The following HTR4 variants were observed in gnomAD, a reference collection of about 807,000 sequenced individuals.
HTR4 encodes 5-hydroxytryptamine receptor 4.
A neutral mutation model predicts 36.8 loss-of-function variants in HTR4; 16 were observed. That is an observed-to-expected ratio of 0.43 (90% CI 0.29 to 0.66). The LOEUF (loss-of-function observed/expected upper bound fraction) is 0.66, where lower values mean the gene tolerates loss of function less well. HTR4 is among the 30% of genes least tolerant of loss of function. HTR4 has a pLI of 0.13. For synonymous variants in HTR4, 189 were observed against 185.1 expected, an observed-to-expected ratio of 1.02 and a Z score of -0.17; for missense variants, 438 against 490.9, an observed-to-expected ratio of 0.89 and a Z score of 1.02.
At chr5:148,535,980 TAG>T (rs1369855969) in intron 4 of HTR4, among the ~76,000 whole-genome samples, 3 of 150,636 alleles carry the variant, frequency 2.0e-5, no homozygotes, top group Admixed American at 6.6e-5. Flanking sequence ...TAAACACAGC[TAG>T]AGAGAGAGAG....
Position 148,481,643 on chromosome 5 carries a change from C to A in HTR4, c.*1560G>T. The A allele has an allele frequency of 1.3e-6, 2 of 1,491,266 alleles. No individual in the cohort carries two copies. Among genetic ancestry groups the A allele is most frequent in the Non-Finnish European group, 1.8e-6 (2 of 1,132,782 alleles). 92.4% of individuals were successfully genotyped at this position (1,491,266 alleles called of 1,614,324 possible). On this transcript the variant is annotated 3_prime_UTR_variant, in exon 7 of 7. Coordinates refer to ENST00000377888, the MANE Select transcript of HTR4 (RefSeq NM_000870.7). ...TCAGTTCCAGAACTAAAGTAAACAACAATGGAAACAATAACTGACACCTTA... is the reference window on the plus strand; with the variant it reads ...TCAGTTCCAGAACTAAAGTAAACAAAAATGGAAACAATAACTGACACCTTA...
intron 1 of HTR4, among the ~76,000 whole-genome samples, chr5:148,652,269 G>T (rs999942403): frequency 4.6e-5 from 7 of 152,138 alleles, no homozygotes; most frequent in Non-Finnish European, 8.8e-5. Context: ...GATAAAACCT[G>T]CCTATAGATG....
intron 6 of HTR4, 38 bp downstream of exon 6, chr5:148,509,418 A>G: frequency 6.7e-7 from 1 of 1,485,764 alleles, no homozygotes; most frequent in Non-Finnish European, 9.2e-7. Flanking sequence ...TGAGTAATAC[A>G]AATCAACCAA....
intron 2 of HTR4, among the ~76,000 whole-genome samples, chr5:148,609,186 T>C (rs1052604955): frequency 6.6e-6 from 1 of 152,220 alleles, no homozygotes; most frequent in Admixed American, 6.5e-5. Context: ...ATAATGGCAT[T>C]GCATTGCACA....
intron 2 of HTR4, among the ~76,000 whole-genome samples, chr5:148,560,886 A>G (rs1386706617): frequency 2.6e-5 from 4 of 152,166 alleles, no homozygotes; most frequent in Admixed American, 2.6e-4. Flanking sequence ...ACATGCTAAA[A>G]TTTTGCTTTT....
chr5:148,466,976 G>T (rs1239899170), intron 5 of HTR4, among the ~76,000 whole-genome samples: 7 of 152,144 alleles, frequency 4.6e-5, no homozygotes, highest in African/African-American at 1.7e-4. Flanking sequence ...TCATAAGCCA[G>T]TGTGAAAATT....
intron 2 of HTR4, among the ~76,000 whole-genome samples, chr5:148,560,257 C>T (rs1031843193): frequency 1.3e-5 from 2 of 149,750 alleles, no homozygotes; most frequent in African/African-American, 2.5e-5. Context: ...TTTGCATAGC[C>T]TTATTCCATA....
At chr5:148,466,357 C>T (rs1234884400) in intron 5 of HTR4, among the ~76,000 whole-genome samples, 1 of 152,188 alleles carries the variant, frequency 6.6e-6, no homozygotes, top group Non-Finnish European at 1.5e-5. Context: ...GTGATACTCC[C>T]TTTCCTTCTT....
chr5:148,618,839 T>C (rs1202706658), intron 2 of HTR4, among the ~76,000 whole-genome samples: 1 of 152,380 alleles, frequency 6.6e-6, no homozygotes, highest in East Asian at 1.9e-4. Context: ...CCACTGTCAA[T>C]TTAATCCAAA....
intron 5 of HTR4, among the ~76,000 whole-genome samples, chr5:148,516,312 C>CTTTTTTTTTTTTTTTTTTTTTTTT (rs954784476): frequency 3.9e-5 from 3 of 76,474 alleles, no homozygotes; most frequent in Non-Finnish European, 7.3e-5. Flanking sequence ...ATTCCCCCCT[C>CTTTTTTTTTTTTTTTTTTTTTTTT]TTTTTTTTTT....
At chr5:148,479,505 T>TA, downstream of HTR4, among the ~76,000 whole-genome samples, 1 of 152,350 alleles carries the variant, frequency 6.6e-6, no homozygotes, top group East Asian at 1.9e-4. Context: ...CATATAAACA[T>TA]ATGTATAATT....
At chr5:148,507,912 C>G (rs766860968) in intron 6 of HTR4, among the ~76,000 whole-genome samples, 1 of 152,188 alleles carries the variant, frequency 6.6e-6, no homozygotes, top group African/African-American at 2.4e-5. Flanking sequence ...TGTACACACA[C>G]TTTATGGTTG....
At chr5:148,499,811 C>A (rs112745018) in intron 6 of HTR4, among the ~76,000 whole-genome samples, 1 of 152,050 alleles carries the variant, frequency 6.6e-6, no homozygotes, top group Non-Finnish European at 1.5e-5. Context: ...CAGTAACAAG[C>A]GAATTGTCAC....
intron 2 of HTR4, among the ~76,000 whole-genome samples, chr5:148,558,849 G>A (rs1387061292): frequency 1.3e-5 from 2 of 152,170 alleles, no homozygotes; most frequent in Non-Finnish European, 2.9e-5. Flanking sequence ...TTCATCCAGT[G>A]CAATTTTTGT....
chr5:148,499,451 T>C (rs1756836702), intron 6 of HTR4, among the ~76,000 whole-genome samples: 1 of 152,198 alleles, frequency 6.6e-6, no homozygotes. Flanking sequence ...TTTTATGATT[T>C]ATATTTTGCC....
chr5:148,570,905 G>A (rs139682065), intron 2 of HTR4, among the ~76,000 whole-genome samples: 4 of 151,848 alleles, frequency 2.6e-5, no homozygotes, highest in South Asian at 2.1e-4. Context: ...TCCTTGTATC[G>A]ATACCAGTCA....
chr5:148,548,595 C>CAG, intron 4 of HTR4, 73 bp downstream of exon 4: 1 of 1,179,564 alleles, frequency 8.5e-7, no homozygotes, highest in Non-Finnish European at 1.2e-6. Flanking sequence ...TAAGAAAAGG[C>CAG]AGACACTGCC....
At chr5:148,588,844 T>G (rs1391407497) in intron 2 of HTR4, among the ~76,000 whole-genome samples, 1 of 151,762 alleles carries the variant, frequency 6.6e-6, no homozygotes, top group Non-Finnish European at 1.5e-5. Flanking sequence ...TCTTTTATTA[T>G]AAATGTATAA....
chr5:148,451,072 C>T (rs757675951), exon 6 of HTR4: 4 of 1,560,840 alleles, frequency 2.6e-6, no homozygotes, highest in East Asian at 2.3e-5. Context: ...GCTCTCAGCC[C>T]CTACTACCTG....
Sources: allele counts gnomAD v4.1 joint callset (sites outside exome capture counted in the v4.1 genomes callset), GRCh38; gene constraint gnomAD v4.1.1; transcripts MANE v1.5; gene names NCBI Gene and HGNC (gene_info 2026-07-23, HGNC 2026-07-21).